Variants in LACTBL1 observed in about 807,000 individuals in gnomAD.
LACTBL1 encodes the protein lactamase beta like 1.
LACTBL1 carries 29 observed loss-of-function variants against 39.6 expected under a neutral mutation model. The ratio of observed to expected loss-of-function variants is 0.73; its 90% confidence interval spans 0.55 to 1.00. LACTBL1 has a LOEUF of 1.00. Among genes scored for constraint, LACTBL1 ranks in the 50% least tolerant of loss-of-function variants. The probability of loss-of-function intolerance (pLI) is 0.00; values close to 1 mark genes in which losing one functional copy is unlikely to be tolerated. For synonymous variants in LACTBL1, 361 were observed against 360.7 expected (o/e 1.00, Z -0.01); for missense variants, 711 against 748.5 (o/e 0.95, Z 0.59).
rs182213021 is a variant in LACTBL1, at chr1:22,958,337, G to A, written c.553+348C>T. Among the ~76,000 whole-genome samples the A allele has an allele frequency of 1.3e-3, 202 of 151,952 alleles. 1 individual carries two copies. The East Asian group carries it at 0.021, about 15-fold the overall frequency. On this transcript the variant is annotated intron_variant, in intron 4 of 5. Transcript: ENST00000426928. Reference sequence around the variant, plus strand: ...TGGGCTCGAGTGATCCTCCCACCTCGGCCTCCCAAAGCACTGGGGTGACAG... The same window carrying A: ...TGGGCTCGAGTGATCCTCCCACCTCAGCCTCCCAAAGCACTGGGGTGACAG...
chr1:22,972,639 A>G, the LACTBL1 span, among the ~76,000 whole-genome samples: 7 of 151,984 alleles, frequency 4.6e-5, no homozygotes, highest in African/African-American at 1.7e-4. Flanking sequence ...CATTCCCAGA[A>G]ACCCCTCAGT....
exon 5 of LACTBL1, chr1:22,955,372 T>C: frequency 6.4e-7 from 1 of 1,550,516 alleles, no homozygotes; most frequent in Non-Finnish European, 8.7e-7. Context: ...GTTCAGGGCC[T>C]CCTGGGTGCT....
intron 4 of LACTBL1, among the ~76,000 whole-genome samples, chr1:22,956,419 G>A (rs1016099530): frequency 1.3e-5 from 2 of 152,112 alleles, no homozygotes; most frequent in African/African-American, 4.8e-5. Context: ...AGGAGCCCCA[G>A]TTCTGTGTGT....
intron 1 of LACTBL1, 102 bp downstream of exon 3, chr1:22,965,188 C>G: frequency 9.5e-7 from 1 of 1,057,438 alleles, no homozygotes; most frequent in Non-Finnish European, 1.2e-6. Flanking sequence ...GAGTCTAAAT[C>G]TTATGGTCCT....
chr1:22,960,810 C>T (rs905570322), intron 2 of LACTBL1, among the ~76,000 whole-genome samples: 2 of 151,980 alleles, frequency 1.3e-5, no homozygotes, highest in Non-Finnish European at 2.9e-5. Flanking sequence ...GATGAAGTCT[C>T]ACCATGTCAC....
chr1:22,955,648 T>C (rs1444344255), intron 4 of LACTBL1, among the ~76,000 whole-genome samples: 3 of 152,170 alleles, frequency 2.0e-5, no homozygotes, highest in Non-Finnish European at 2.9e-5. Context: ...CAGTCCTTCA[T>C]CTGTAATATA....
chr1:22,956,781 C>T (rs1206340712), intron 4 of LACTBL1, among the ~76,000 whole-genome samples: 2 of 152,136 alleles, frequency 1.3e-5, no homozygotes, highest in African/African-American at 4.8e-5. Context: ...TGCCCCCAAC[C>T]TTGTCGACTT....
At chr1:22,953,685 C>T in exon 6 of LACTBL1, 1 of 1,294,528 alleles carries the variant, frequency 7.7e-7, no homozygotes, top group Non-Finnish European at 9.7e-7. Context: ...GGCAGGCCAG[C>T]AGCGGCGCCA....
the LACTBL1 span, chr1:22,972,862 G>T: frequency 1.0e-6 from 1 of 985,372 alleles, no homozygotes; most frequent in Non-Finnish European, 1.2e-6. Context: ...CCAGAGGACA[G>T]GAATGGCTTC....
exon 4 of LACTBL1, chr1:22,958,914 G>A: frequency 6.5e-7 from 1 of 1,546,124 alleles, no homozygotes; most frequent in South Asian, 1.2e-5. Context: ...TGGAGATGCT[G>A]GAGATCCTAG....
At chr1:22,958,338 G>A (rs1184961502) in intron 4 of LACTBL1, among the ~76,000 whole-genome samples, 1 of 152,064 alleles carries the variant, frequency 6.6e-6, no homozygotes, top group Non-Finnish European at 1.5e-5. Context: ...TCCCACCTCG[G>A]CCTCCCAAAG....
intron 4 of LACTBL1, among the ~76,000 whole-genome samples, chr1:22,956,291 G>A (rs1167290885): frequency 1.3e-5 from 2 of 151,878 alleles, no homozygotes; most frequent in Non-Finnish European, 2.9e-5. Flanking sequence ...AGGATTGCTT[G>A]AGCCCAGGAA....
chr1:22,953,238 C>T, exon 6 of LACTBL1: 1 of 1,231,990 alleles, frequency 8.1e-7, no homozygotes, highest in Non-Finnish European at 1.0e-6. Flanking sequence ...CCACGTGCAG[C>T]TGGAAGACGC....
At chr1:22,960,015 A>G (rs1417454264) in exon 3 of LACTBL1, 1 of 1,551,084 alleles carries the variant, frequency 6.4e-7, no homozygotes, top group African/African-American at 1.4e-5. Flanking sequence ...TTCCCTGTCC[A>G]GAGCACAGTA....
chr1:22,969,772 T>G (rs949239251), upstream of LACTBL1, among the ~76,000 whole-genome samples: 1 of 152,172 alleles, frequency 6.6e-6, no homozygotes, highest in East Asian at 1.9e-4. Context: ...GCCTTCTCAT[T>G]CTTCCCCAGG....
Position 22,958,712 on chromosome 1 carries a change from GGGTGACA to G in LACTBL1, c.519_525del (p.Val174PhefsTer30), listed in dbSNP as rs1159067344. 6.5e-7 allele frequency: 1 copy of G among 1,549,610 alleles called. No individual in the cohort carries two copies. Among genetic ancestry groups the G allele is most frequent in the Admixed American group, 2.0e-5 (1 of 50,928 alleles). On this transcript the variant is annotated frameshift_variant, in exon 4 of 6. Transcript: ENST00000426928. LOFTEE classifies it high-confidence loss of function. The stretch of plus-strand genomic sequence containing the variant: ...GAGAGCTGGCTGGCCATCCTTCGAA[GGGTGACA>G]GGTGAAGGCCTTGGGGCGGGGCCCA...
intron 2 of LACTBL1, among the ~76,000 whole-genome samples, chr1:22,962,365 C>A (rs1000271883): frequency 6.6e-6 from 1 of 152,108 alleles, no homozygotes; most frequent in Non-Finnish European, 1.5e-5. Context: ...GAGTCTCCCC[C>A]ACCATGCTGC....
At chr1:22,965,058 C>G (rs1271104840) in intron 1 of LACTBL1, among the ~76,000 whole-genome samples, 2 of 152,124 alleles carry the variant, frequency 1.3e-5, no homozygotes, top group Non-Finnish European at 2.9e-5. Context: ...TGAAGAAACC[C>G]CAGTGGCATC....
exon 6 of LACTBL1, chr1:22,953,093 T>TGTTGAGGCCGGGCAC: frequency 8.1e-7 from 1 of 1,232,094 alleles, no homozygotes; most frequent in Non-Finnish European, 1.0e-6. Context: ...ACTCTGTACG[T>TGTTGAGGCCGGGCAC]GTTGAGGCCG....
Sources: allele counts gnomAD v4.1 joint callset (sites outside exome capture counted in the v4.1 genomes callset), GRCh38; gene constraint gnomAD v4.1.1; transcripts MANE v1.5; gene names NCBI Gene and HGNC (gene_info 2026-07-23, HGNC 2026-07-21).